The following GPC6 variants were observed in gnomAD, a reference collection of about 807,000 sequenced individuals.
The protein encoded by GPC6 is glypican 6, also known as glypican-6.
A neutral mutation model predicts 55.2 loss-of-function variants in GPC6; 14 were observed. That is an observed-to-expected ratio of 0.25 (90% CI 0.17 to 0.40). GPC6 has a LOEUF of 0.40. GPC6 is among the 10% of genes least tolerant of loss of function. The pLI, the probability that GPC6 is intolerant of heterozygous loss-of-function variation, is 1.00. For missense variants in GPC6, 641 were observed against 708.5 expected, an observed-to-expected ratio of 0.90 and a Z score of 1.08; for synonymous variants, 278 against 259.6, an observed-to-expected ratio of 1.07 and a Z score of -0.68.
At chr13:93,648,607 TA>T (rs1880277660) in intron 2 of GPC6, among the ~76,000 whole-genome samples, 1 of 152,204 alleles carries the variant, frequency 6.6e-6, no homozygotes, top group Non-Finnish European at 1.5e-5. Flanking sequence ...CAGAGACTGA[TA>T]AAAATGTTTG....
intron 3 of GPC6, among the ~76,000 whole-genome samples, chr13:93,969,816 A>T (rs528838814): frequency 6.6e-6 from 1 of 152,002 alleles, no homozygotes; most frequent in Non-Finnish European, 1.5e-5. Context: ...GAATGAGAGC[A>T]TGTGGTATTT....
At chr13:93,319,883 C>T (rs915963309) in intron 1 of GPC6, among the ~76,000 whole-genome samples, 4 of 151,924 alleles carry the variant, frequency 2.6e-5, no homozygotes, top group African/African-American at 9.7e-5. Context: ...ATCCAAGTGA[C>T]ATAGGATATA....
rs559070062 is a variant in GPC6, at chr13:93,917,405, A to C, written c.711+86860A>C. ...CAAGTTTCAAATCCTGCCACACACAAAAAAACATTGTATGGAGTTCTATTT... is the reference window on the plus strand; with the variant it reads ...CAAGTTTCAAATCCTGCCACACACACAAAAACATTGTATGGAGTTCTATTT... On this transcript the variant is annotated intron_variant, in intron 3 of 8. Transcript: ENST00000377047. 5.8e-4 allele frequency among the ~76,000 whole-genome samples: 88 copies of C among 152,314 alleles called. 2 individuals are homozygous for C. In the South Asian group the frequency reaches 0.016, roughly 28 times the overall value.
At chr13:93,761,727 A>AT (rs1285160835) in intron 2 of GPC6, among the ~76,000 whole-genome samples, 1 of 152,038 alleles carries the variant, frequency 6.6e-6, no homozygotes, top group Non-Finnish European at 1.5e-5. Flanking sequence ...ACAGGCTGCT[A>AT]TTTTTTATTT....
chr13:93,471,052 A>T (rs1243171204), intron 1 of GPC6, among the ~76,000 whole-genome samples: 1 of 152,140 alleles, frequency 6.6e-6, no homozygotes, highest in African/African-American at 2.4e-5. Context: ...ATTTTTTAAA[A>T]ATCAGTTTTT....
intron 2 of GPC6, among the ~76,000 whole-genome samples, chr13:93,819,407 G>T (rs1886969525): frequency 6.6e-6 from 1 of 152,032 alleles, no homozygotes; most frequent in African/African-American, 2.4e-5. Context: ...ATCATGATTT[G>T]GAAACCTAAT....
At chr13:93,714,427 A>G (rs1883182204) in intron 2 of GPC6, among the ~76,000 whole-genome samples, 1 of 151,828 alleles carries the variant, frequency 6.6e-6, no homozygotes, top group Non-Finnish European at 1.5e-5. Context: ...AAACAGTCAA[A>G]AGACAACAGA....
the GPC6 span, among the ~76,000 whole-genome samples, chr13:93,220,399 G>T: frequency 6.6e-6 from 1 of 152,176 alleles, no homozygotes; most frequent in Non-Finnish European, 1.5e-5. Flanking sequence ...CAAATTTACT[G>T]CTTAGCTACA....
At chr13:94,325,286 C>T (rs1027950628) in intron 6 of GPC6, among the ~76,000 whole-genome samples, 2 of 152,250 alleles carry the variant, frequency 1.3e-5, no homozygotes, top group Middle Eastern at 3.4e-3. Flanking sequence ...GAGAAGAACG[C>T]GGCTCACTCA....
chr13:93,853,305 A>G (rs1476208363), intron 3 of GPC6, among the ~76,000 whole-genome samples: 1 of 151,688 alleles, frequency 6.6e-6, no homozygotes, highest in African/African-American at 2.4e-5. Flanking sequence ...ACGCCTTACC[A>G]CCACTATGGC....
chr13:94,005,685 T>C (rs1881989364), intron 3 of GPC6, among the ~76,000 whole-genome samples: 1 of 152,228 alleles, frequency 6.6e-6, no homozygotes, highest in Middle Eastern at 3.2e-3. Context: ...TGAGACTGTA[T>C]TCTAAAGTGT....
At chr13:93,281,019 G>A (rs1408565914) in intron 1 of GPC6, among the ~76,000 whole-genome samples, 4 of 152,184 alleles carry the variant, frequency 2.6e-5, no homozygotes, top group Non-Finnish European at 5.9e-5. Context: ...AGGTCCAAGG[G>A]TTGGGGACCC....
intron 1 of GPC6, among the ~76,000 whole-genome samples, chr13:93,440,710 T>C (rs1877759988): frequency 6.6e-6 from 1 of 152,168 alleles, no homozygotes; most frequent in Admixed American, 6.5e-5. Context: ...GATTTTTTAT[T>C]ATACTTTAAG....
intron 4 of GPC6, among the ~76,000 whole-genome samples, chr13:94,174,480 G>GA (rs1371997255): frequency 2.0e-5 from 3 of 152,120 alleles, no homozygotes; most frequent in Non-Finnish European, 4.4e-5. Context: ...AGGGAAAAGA[G>GA]ACAGATGTAG....
intron 1 of GPC6, among the ~76,000 whole-genome samples, chr13:93,473,170 G>A (rs1053318446): frequency 6.6e-6 from 1 of 152,194 alleles, no homozygotes; most frequent in African/African-American, 2.4e-5. Context: ...GGCCTCACCA[G>A]GGACCTGCCC....
At chr13:93,702,650 C>CAATTATCATAG (rs1420049937) in intron 2 of GPC6, among the ~76,000 whole-genome samples, 1 of 152,024 alleles carries the variant, frequency 6.6e-6, no homozygotes, top group African/African-American at 2.4e-5. Context: ...CCATCTTCAT[C>CAATTATCATAG]AATTATCATA....
intron 5 of GPC6, among the ~76,000 whole-genome samples, chr13:94,300,549 T>A (rs1014735975): frequency 6.6e-6 from 1 of 152,176 alleles, no homozygotes; most frequent in African/African-American, 2.4e-5. Context: ...AGACATTATC[T>A]TAGTAATCCT....
intron 4 of GPC6, among the ~76,000 whole-genome samples, chr13:94,254,106 T>C (rs41482249): frequency 0.25 from 38,652 of 152,002 alleles, 5,194 homozygotes; most frequent in Non-Finnish European, 0.3. Flanking sequence ...TTGACCCTTG[T>C]AGAGCATTTT....
intron 3 of GPC6, among the ~76,000 whole-genome samples, chr13:93,873,735 A>G (rs1294770485): frequency 1.3e-5 from 2 of 151,952 alleles, no homozygotes; most frequent in African/African-American, 2.4e-5. Flanking sequence ...ACCAGAGTCT[A>G]TCTGAAGACT....
Sources: gnomAD v4.1 joint callset for allele counts (sites outside exome capture counted in the v4.1 genomes callset) on GRCh38, gnomAD v4.1.1 for gene constraint, MANE v1.5 for transcripts, NCBI Gene and HGNC (gene_info 2026-07-23, HGNC 2026-07-21) for gene names.